SUGP2: variants seen among roughly 807,000 people sequenced by gnomAD.
The protein encoded by SUGP2 is SURP and G-patch domain-containing protein 2.
A neutral mutation model predicts 90.5 loss-of-function variants in SUGP2; 24 were observed. The ratio of observed to expected loss-of-function variants is 0.27; its 90% CI spans 0.19 to 0.37. SUGP2 has a LOEUF of 0.37. Ranked by LOEUF, SUGP2 falls within the 10% of genes least tolerant of loss-of-function variation. The pLI is 1.00. For synonymous variants in SUGP2, 473 were observed against 513.4 expected (o/e 0.92, Z 1.06); for missense variants, 1,233 against 1,363.3 (o/e 0.90, Z 1.51).
chr19:19,012,848 C>CA (rs2058355866), intron 4 of SUGP2, among the ~76,000 whole-genome samples: 1 of 152,110 alleles, frequency 6.6e-6, no homozygotes, highest in African/African-American at 2.4e-5. Flanking sequence ...TTCCTCTTAT[C>CA]ATGGTTTTGG....
chr19:19,022,729 C>T (rs2058773042), intron 3 of SUGP2, among the ~76,000 whole-genome samples: 2 of 151,976 alleles, frequency 1.3e-5, no homozygotes, highest in Admixed American at 6.6e-5. Context: ...GAGTAGGGTC[C>T]CTTAAGCCCT....
At chr19:19,013,574 C>T (rs1042159271) in intron 4 of SUGP2, among the ~76,000 whole-genome samples, 3 of 152,222 alleles carry the variant, frequency 2.0e-5, no homozygotes, top group Admixed American at 2.0e-4. Context: ...GCACACCTAC[C>T]TCCCTCCTTC....
chr19:19,008,686 T>G (rs2058183873), intron 5 of SUGP2, among the ~76,000 whole-genome samples: 1 of 152,204 alleles, frequency 6.6e-6, no homozygotes, highest in African/African-American at 2.4e-5. Context: ...AGCCTGGGCC[T>G]TGGAGGACTT....
intron 1 of SUGP2, among the ~76,000 whole-genome samples, chr19:19,032,509 G>C (rs935958694): frequency 5.3e-5 from 8 of 152,078 alleles, no homozygotes; most frequent in Non-Finnish European, 7.4e-5. Flanking sequence ...CAGAGGCTCT[G>C]AGAACTTCCT....
intron 4 of SUGP2, among the ~76,000 whole-genome samples, chr19:19,011,213 T>A (rs1195393100): frequency 6.6e-6 from 1 of 151,804 alleles, no homozygotes; most frequent in African/African-American, 2.4e-5. Context: ...CATGAGTTGA[T>A]TACAGCTCAC....
At chr19:19,022,825 G>C (rs1037721416) in intron 3 of SUGP2, among the ~76,000 whole-genome samples, 2 of 152,096 alleles carry the variant, frequency 1.3e-5, no homozygotes, top group Non-Finnish European at 1.5e-5. Flanking sequence ...AGTGCTGTTG[G>C]GGCTTCCTGA....
chr19:19,003,042 C>G (rs1452069916), intron 7 of SUGP2, among the ~76,000 whole-genome samples: 1 of 152,134 alleles, frequency 6.6e-6, no homozygotes, highest in African/African-American at 2.4e-5. Context: ...CTCCCGGGCT[C>G]AAGCGATCCT....
chr19:18,998,518 G>A (rs770670192), intron 8 of SUGP2, among the ~76,000 whole-genome samples: 3 of 152,182 alleles, frequency 2.0e-5, no homozygotes, highest in Non-Finnish European at 4.4e-5. Context: ...CTTCAAAGGC[G>A]GAGGGAAATT....
intron 5 of SUGP2, among the ~76,000 whole-genome samples, chr19:19,009,485 A>G (rs2058218075): frequency 2.6e-5 from 4 of 152,096 alleles, no homozygotes; most frequent in Non-Finnish European, 5.9e-5. Context: ...AGGAGGCGCA[A>G]TGAGAACAAG....
At chr19:19,019,925 T>G (rs943121292) in intron 3 of SUGP2, among the ~76,000 whole-genome samples, 2 of 135,862 alleles carry the variant, frequency 1.5e-5, no homozygotes, top group African/African-American at 5.6e-5. Context: ...GCGGGGTGGA[T>G]TGCCTGAGCT....
chr19:19,005,383 C>T (rs901588296), intron 6 of SUGP2, among the ~76,000 whole-genome samples: 2 of 152,094 alleles, frequency 1.3e-5, no homozygotes, highest in Non-Finnish European at 2.9e-5. Flanking sequence ...CCAATAAAAT[C>T]CCATTCTGAA....
At chr19:19,008,738 C>T (rs752489014) in intron 5 of SUGP2, among the ~76,000 whole-genome samples, 1 of 152,200 alleles carries the variant, frequency 6.6e-6, no homozygotes, top group Non-Finnish European at 1.5e-5. Flanking sequence ...ACCCCAATTG[C>T]CAGGTGAACA....
intron 2 of SUGP2, among the ~76,000 whole-genome samples, chr19:19,028,187 G>C (rs4808177): frequency 0.91 from 138,764 of 152,228 alleles, 63,465 homozygotes; most frequent in African/African-American, 0.98. Context: ...TAAATAAGGG[G>C]ATGACCTGGG....
chr19:19,019,758 TTTAAGAAC>T lies in SUGP2; in HGVS notation c.1730-537_1730-530del, dbSNP rs1170824398. 3.3e-5 allele frequency among the ~76,000 whole-genome samples: 5 copies of T among 150,436 alleles called. No homozygotes were observed. In the South Asian group the frequency reaches 6.3e-4, roughly 19 times the overall value. On this transcript the variant is annotated intron_variant, in intron 3 of 10. Coordinates refer to ENST00000452918, the MANE Select transcript of SUGP2 (RefSeq NM_001017392.5). Reference sequence around the variant, plus strand: ...ATCAGGAATTTCATTTTCCTTATGCTTTAAGAACTTAAAAAAAAAACTTGTGTTTTGTA... The same window carrying T: ...ATCAGGAATTTCATTTTCCTTATGCTTTAAAAAAAAAACTTGTGTTTTGTA...
rs991250084 is a variant in SUGP2 at position 19,010,205 on chromosome 19, T to G, written c.1988A>C (p.Tyr663Ser). 6.2e-7 allele frequency: 1 copy of G among 1,613,522 alleles called. No homozygotes were observed. The highest frequency in any genetic ancestry group is 1.3e-5 in the African/African-American group (1 of 74,742). ...CTTGAGGTTGCGGACAGCCCGGGAG[T>G]ACAGCATGGCCCTCACTGCACAGTC... Reference protein sequence around the residue: ...SADCAVRAMLYSRAVRNLKKK... With the variant: ...SADCAVRAMLSSRAVRNLKKK... Residue 663 changes from tyrosine (Y) to serine (S), a missense_variant, in exon 5 of 11, where the codon TAC becomes TCC. Physicochemically the swap from Tyr to Ser is moderately radical, Grantham distance 144. Transcript: ENST00000452918.
At chr19:19,009,781 A>T (rs2058232994) in intron 5 of SUGP2, 74 bp downstream of exon 5, 1 of 1,510,626 alleles carries the variant, frequency 6.6e-7, no homozygotes. Flanking sequence ...AGGCCCCCCC[A>T]ATTCTAAAGA....
intron 6 of SUGP2, among the ~76,000 whole-genome samples, chr19:19,006,828 C>T (rs1348842348): frequency 6.6e-6 from 1 of 152,178 alleles, no homozygotes; most frequent in South Asian, 2.1e-4. Flanking sequence ...GCAGGTGGTA[C>T]CTTAGTGCAG....
At chr19:19,019,510 T>G (rs1293558716) in intron 3 of SUGP2, among the ~76,000 whole-genome samples, 1 of 152,102 alleles carries the variant, frequency 6.6e-6, no homozygotes, top group Non-Finnish European at 1.5e-5. Context: ...GAAAGATATA[T>G]AGCAATTTGA....
chr19:18,994,509 A>C (rs749539465), intron 9 of SUGP2, 23 bp from the exon 10 acceptor site: 1 of 1,612,618 alleles, frequency 6.2e-7, no homozygotes, highest in Non-Finnish European at 8.5e-7. Flanking sequence ...AAAGAGAGTC[A>C]GTTGTGCACC....
Sources: allele counts gnomAD v4.1 joint callset (sites outside exome capture counted in the v4.1 genomes callset), GRCh38; gene constraint gnomAD v4.1.1; transcripts MANE v1.5; gene names NCBI Gene and HGNC (gene_info 2026-07-23, HGNC 2026-07-21).